PAK3: variants seen among roughly 807,000 people sequenced by gnomAD.
PAK3 encodes serine/threonine-protein kinase PAK 3.
In PAK3, 4 loss-of-function variants were observed where a neutral mutation model predicts 41.0. The observed-to-expected ratio is 0.10, with a 90% CI of 0.05 to 0.22. The LOEUF (loss-of-function observed/expected upper bound fraction) is 0.22, where lower values mean the gene tolerates loss of function less well. Ranked by LOEUF, PAK3 falls within the 10% of genes least tolerant of loss-of-function variation. PAK3 has a pLI of 1.00. For synonymous variants in PAK3, 146 were observed against 139.6 expected (o/e 1.05, Z -0.32); for missense variants, 205 against 409.9 (o/e 0.50, Z 4.32).
At chrX:110,991,332 T>C (rs1382620664) in intron 1 of PAK3, among the ~76,000 whole-genome samples, 3 of 111,785 alleles carry the variant, frequency 2.7e-5, no homozygotes, top group Non-Finnish European at 5.6e-5. Context: ...TGATTAGTAC[T>C]CAATAAATGT....
At chrX:111,066,573 T>C (rs771026764) in intron 1 of PAK3, among the ~76,000 whole-genome samples, 1 of 112,005 alleles carries the variant, frequency 8.9e-6, no homozygotes, top group Non-Finnish European at 1.9e-5. Flanking sequence ...TAAATGTCTA[T>C]TAGGTCCAAT....
At chrX:110,983,527 TGC>T (rs1469107253) in intron 1 of PAK3, among the ~76,000 whole-genome samples, 1 of 17,648 alleles carries the variant, frequency 5.7e-5, no homozygotes, top group African/African-American at 9.6e-5. Flanking sequence ...TGTGTATGTC[TGC>T]GTGTGTGTGT....
intron 16 of PAK3, among the ~76,000 whole-genome samples, chrX:111,204,096 C>T (rs1026457806): frequency 3.6e-5 from 4 of 110,731 alleles, no homozygotes; most frequent in South Asian, 7.8e-4. Context: ...AAAAATATTG[C>T]CTGTCAAAAG....
chrX:110,956,161 A>G (rs773786439), intron 1 of PAK3, among the ~76,000 whole-genome samples: 5 of 112,252 alleles, frequency 4.5e-5, no homozygotes, highest in African/African-American at 1.6e-4. Flanking sequence ...CTCCATGAAG[A>G]GGTTTGGATC....
intron 16 of PAK3, 140 bp from the exon 17 acceptor site, chrX:111,216,281 T>C (rs1603400882): frequency 4.0e-6 from 2 of 494,650 alleles, no homozygotes; most frequent in East Asian, 3.4e-5. Flanking sequence ...ATAGAAACTT[T>C]GAAATATATG....
chrX:110,953,160 T>C (rs780059890), intron 1 of PAK3, among the ~76,000 whole-genome samples: 2 of 111,885 alleles, frequency 1.8e-5, no homozygotes, highest in East Asian at 5.6e-4. Flanking sequence ...TGATTAGAAC[T>C]GGAAGGGGAT....
At chrX:111,144,952 T>A in intron 6 of PAK3, 3 of 853,728 alleles carry the variant, frequency 3.5e-6, no homozygotes, top group Non-Finnish European at 5.1e-6. Flanking sequence ...TCATTTCTTA[T>A]GATAAGATAA....
intron 16 of PAK3, among the ~76,000 whole-genome samples, chrX:111,206,629 C>A (rs768489739): frequency 8.9e-6 from 1 of 111,879 alleles, no homozygotes; most frequent in Non-Finnish European, 1.9e-5. Context: ...AAAACAATAA[C>A]AATTGTCCCT....
At chrX:111,073,770 C>T (rs1482810638) in intron 1 of PAK3, among the ~76,000 whole-genome samples, 1 of 112,014 alleles carries the variant, frequency 8.9e-6, no homozygotes, top group Admixed American at 9.4e-5. Context: ...CTAAATTCCA[C>T]CAATATTTAG....
chrX:111,213,922 T>A (rs1281337197), intron 16 of PAK3, among the ~76,000 whole-genome samples: 1 of 112,095 alleles, frequency 8.9e-6, no homozygotes, highest in Non-Finnish European at 1.9e-5. Flanking sequence ...AAGCATCCCA[T>A]CTCCTTTTAG....
intron 1 of PAK3, among the ~76,000 whole-genome samples, chrX:111,077,809 G>A (rs2092799809): frequency 9.0e-6 from 1 of 111,661 alleles, no homozygotes; most frequent in African/African-American, 3.3e-5. Context: ...TTAGACAAAT[G>A]GGATTACATC....
intron 1 of PAK3, among the ~76,000 whole-genome samples, chrX:111,065,009 T>C (rs1288981336): frequency 5.3e-5 from 6 of 112,322 alleles, no homozygotes; most frequent in Non-Finnish European, 3.8e-5. Context: ...TGAAGATAGA[T>C]AGTTCAACTT....
intron 1 of PAK3, among the ~76,000 whole-genome samples, chrX:111,029,291 C>T (rs577655454): frequency 7.2e-5 from 8 of 111,668 alleles, no homozygotes; most frequent in African/African-American, 2.6e-4. Flanking sequence ...ATAGAACAGA[C>T]GAAGATGCAA....
intron 17 of PAK3, among the ~76,000 whole-genome samples, chrX:111,218,955 C>T (rs922991346): frequency 3.6e-5 from 4 of 109,898 alleles, no homozygotes; most frequent in East Asian, 2.9e-4. Flanking sequence ...TTTGTGAGGC[C>T]GAGGCAGGCG....
chrX:110,962,667 C>T (rs1337758), intron 1 of PAK3, among the ~76,000 whole-genome samples: 63,528 of 111,475 alleles, frequency 0.57, 15,440 homozygotes, highest in East Asian at 0.99. Context: ...GGCCACATAA[C>T]AGGGCCAAGC....
chrX:111,163,092 T>A (rs772687999), intron 9 of PAK3, 46 bp downstream of exon 9: 2 of 1,126,190 alleles, frequency 1.8e-6, no homozygotes, highest in East Asian at 6.0e-5. Context: ...AGATGCCCTT[T>A]GGAATAGTCA....
At chrX:111,001,163 T>C (rs1170414097) in intron 1 of PAK3, among the ~76,000 whole-genome samples, 3 of 112,142 alleles carry the variant, frequency 2.7e-5, no homozygotes, top group African/African-American at 6.5e-5. Flanking sequence ...TGCCGCATTC[T>C]GTGGTTTTAA....
chrX:111,069,288 GT>G (rs1449004946), intron 1 of PAK3, among the ~76,000 whole-genome samples: 1 of 111,511 alleles, frequency 9.0e-6, no homozygotes, highest in African/African-American at 3.3e-5. Flanking sequence ...TTTCTGGGTA[GT>G]TGGTTATGGG....
intron 1 of PAK3, among the ~76,000 whole-genome samples, chrX:111,024,751 G>A (rs1041736431): frequency 6.3e-5 from 7 of 110,721 alleles, no homozygotes; most frequent in African/African-American, 2.3e-4. Context: ...AAAACAGAAA[G>A]TCAACAAAGA....
Sources: gnomAD v4.1 joint callset for allele counts (sites outside exome capture counted in the v4.1 genomes callset) on GRCh38, gnomAD v4.1.1 for gene constraint, MANE v1.5 for transcripts, NCBI Gene and HGNC (gene_info 2026-07-23, HGNC 2026-07-21) for gene names.